Variants in NHS observed in about 807,000 individuals in gnomAD.
NHS encodes the protein NHS actin remodeling regulator, also known as actin remodeling regulator NHS.
NHS carries 5 observed loss-of-function variants against 72.5 expected under a neutral mutation model. That is an observed-to-expected ratio of 0.07 (90% CI 0.04 to 0.14). NHS has a LOEUF of 0.14. NHS is among the 10% of genes least tolerant of loss of function. The pLI is 1.00. For synonymous variants in NHS, 464 were observed against 547.7 expected, an observed-to-expected ratio of 0.85 and a Z score of 2.13; for missense variants, 1,072 against 1,355.7, an observed-to-expected ratio of 0.79 and a Z score of 3.29.
intron 1 of NHS, among the ~76,000 whole-genome samples, chrX:17,388,081 T>TTTG (rs777953478): frequency 4.6e-4 from 51 of 111,875 alleles, no homozygotes; most frequent in African/African-American, 1.3e-3. Flanking sequence ...TTAAGGTTCT[T>TTTG]TTGTTGTTGT....
rs192435540 is a variant in NHS, at chrX:17,670,023, C to T, written c.566-17719C>T. ...CAGTAGATCCTGCTCTCTGTGGCTT[C>T]GCAGAAAACCCCATCACAAAGGACA... is the stretch of plus-strand genomic sequence containing the variant. On this transcript the variant is annotated intron_variant, in intron 1 of 8. Transcript: ENST00000676302. Among the ~76,000 whole-genome samples, 10 of 111,856 alleles carry T rather than the reference C, an allele frequency of 8.9e-5. No individual in the cohort carries two copies. The East Asian group carries it at 1.1e-3, about 13-fold the overall frequency.
intron 1 of NHS, among the ~76,000 whole-genome samples, chrX:17,378,236 G>T (rs1238580251): frequency 1.8e-5 from 2 of 111,293 alleles, no homozygotes; most frequent in Non-Finnish European, 3.8e-5. Context: ...TAACTGTTTG[G>T]GGTACAAACT....
chrX:17,636,123 T>C (rs1202752202), intron 1 of NHS, among the ~76,000 whole-genome samples: 1 of 112,066 alleles, frequency 8.9e-6, no homozygotes, highest in Non-Finnish European at 1.9e-5. Context: ...CTTGGAATTC[T>C]TCAGTATCTT....
intron 1 of NHS, among the ~76,000 whole-genome samples, chrX:17,421,468 T>C (rs1015984961): frequency 8.9e-6 from 1 of 112,196 alleles, no homozygotes; most frequent in Non-Finnish European, 1.9e-5. Context: ...AAGCTGTGAA[T>C]ATTTATCATT....
chrX:17,717,534 G>A (rs766013012), intron 3 of NHS, among the ~76,000 whole-genome samples: 82 of 112,795 alleles, frequency 7.3e-4, no homozygotes, highest in African/African-American at 2.5e-3. Context: ...ATGGCTTAGA[G>A]TTTTAAAAGT....
chrX:17,658,759 T>G (rs775569906), intron 1 of NHS, among the ~76,000 whole-genome samples: 1 of 111,492 alleles, frequency 9.0e-6, no homozygotes, highest in Non-Finnish European at 1.9e-5. Context: ...CGGGTTGAGA[T>G]TTCAGTTTTT....
intron 1 of NHS, among the ~76,000 whole-genome samples, chrX:17,639,823 A>C (rs749996871): frequency 8.9e-6 from 1 of 112,028 alleles, no homozygotes; most frequent in East Asian, 2.8e-4. Flanking sequence ...ACCCATGAAC[A>C]TCAGAAAGGC....
At chrX:17,478,753 A>G (rs1601724486) in intron 1 of NHS, among the ~76,000 whole-genome samples, 1 of 111,926 alleles carries the variant, frequency 8.9e-6, no homozygotes, top group African/African-American at 3.2e-5. Context: ...AGTGCTGTCC[A>G]ATAGGATTTT....
chrX:17,723,726 G>GGTGTGTGT (rs3222310), intron 5 of NHS, among the ~76,000 whole-genome samples: 10,449 of 70,835 alleles, frequency 0.15, 765 homozygotes, highest in Non-Finnish European at 0.17. Flanking sequence ...CAGCAAAAGA[G>GGTGTGTGT]GTGTGTGTGT....
chrX:17,649,054 T>C (rs1274773077), intron 1 of NHS, among the ~76,000 whole-genome samples: 1 of 112,038 alleles, frequency 8.9e-6, no homozygotes, highest in Non-Finnish European at 1.9e-5. Context: ...GATTCTTTCA[T>C]TCAGAATCAA....
chrX:17,706,162 C>T (rs1036561789), intron 3 of NHS, among the ~76,000 whole-genome samples: 1 of 111,015 alleles, frequency 9.0e-6, no homozygotes, highest in Non-Finnish European at 1.9e-5. Flanking sequence ...ACTGCACTTC[C>T]GCCTGGATGA....
At chrX:17,419,539 G>T (rs1055423617) in intron 1 of NHS, among the ~76,000 whole-genome samples, 1 of 111,387 alleles carries the variant, frequency 9.0e-6, no homozygotes, top group African/African-American at 3.3e-5. Context: ...CCTGAATTGT[G>T]TCAATTTATG....
chrX:17,650,481 A>C (rs1236713324), intron 1 of NHS, among the ~76,000 whole-genome samples: 1 of 112,480 alleles, frequency 8.9e-6, no homozygotes, highest in East Asian at 2.8e-4. Flanking sequence ...GTAAAGAAGT[A>C]AAATCAGACT....
chrX:17,606,531 C>T (rs2065680251), intron 1 of NHS, among the ~76,000 whole-genome samples: 1 of 111,730 alleles, frequency 9.0e-6, no homozygotes, highest in Admixed American at 9.5e-5. Context: ...ATTCAGAGCC[C>T]ATTTCCATAA....
chrX:17,477,737 A>G (rs2064927476), intron 1 of NHS, among the ~76,000 whole-genome samples: 1 of 112,178 alleles, frequency 8.9e-6, no homozygotes, highest in South Asian at 3.7e-4. Flanking sequence ...AACTGGCATG[A>G]TACAATTTTT....
intron 3 of NHS, among the ~76,000 whole-genome samples, chrX:17,702,490 C>T (rs1421565249): frequency 9.0e-6 from 1 of 111,084 alleles, no homozygotes; most frequent in Non-Finnish European, 1.9e-5. Flanking sequence ...TGTTCGAGAC[C>T]AGCCTGGCCA....
intron 1 of NHS, among the ~76,000 whole-genome samples, chrX:17,538,515 G>A (rs1377488231): frequency 8.9e-6 from 1 of 111,738 alleles, no homozygotes; most frequent in Non-Finnish European, 1.9e-5. Flanking sequence ...CCTAGGAGGT[G>A]AGGAAGCTGG....
At chrX:17,524,510 A>G (rs867496508) in intron 1 of NHS, among the ~76,000 whole-genome samples, 4 of 112,504 alleles carry the variant, frequency 3.6e-5, no homozygotes, top group Non-Finnish European at 5.6e-5. Context: ...GTTAATCAAG[A>G]ACAGTTCATA....
intron 1 of NHS, among the ~76,000 whole-genome samples, chrX:17,626,544 T>C (rs2065798884): frequency 8.9e-6 from 1 of 112,268 alleles, no homozygotes; most frequent in African/African-American, 3.2e-5. Context: ...GATGACACTA[T>C]GGACTTAGAC....
Sources: allele counts gnomAD v4.1 joint callset (sites outside exome capture counted in the v4.1 genomes callset), GRCh38; gene constraint gnomAD v4.1.1; transcripts MANE v1.5; gene names NCBI Gene and HGNC (gene_info 2026-07-23, HGNC 2026-07-21).